RNF220: variants seen among roughly 807,000 people sequenced by gnomAD.
RNF220 encodes the protein ring finger protein 220.
Under a neutral mutation model 67.1 loss-of-function variants are expected in RNF220, and 7 were observed. The ratio of observed to expected loss-of-function variants is 0.10; its 90% CI spans 0.06 to 0.20. RNF220 has a LOEUF of 0.20. RNF220 is among the 10% of genes least tolerant of loss of function. RNF220 has a pLI of 1.00. For synonymous variants in RNF220, 270 were observed against 283.2 expected, an observed-to-expected ratio of 0.95 and a Z score of 0.47; for missense variants, 565 against 740.3, an observed-to-expected ratio of 0.76 and a Z score of 2.75.
intron 2 of RNF220, among the ~76,000 whole-genome samples, chr1:44,467,634 A>T (rs1654401597): frequency 6.6e-6 from 1 of 152,236 alleles, no homozygotes; most frequent in East Asian, 1.9e-4. Flanking sequence ...TTGATCTTCT[A>T]TCCAGACCAC....
intron 8 of RNF220, among the ~76,000 whole-genome samples, chr1:44,639,328 T>G (rs893749579): frequency 6.6e-6 from 1 of 152,232 alleles, no homozygotes; most frequent in Non-Finnish European, 1.5e-5. Flanking sequence ...GTGTGTTGGT[T>G]GCCAGTGAGA....
intron 2 of RNF220, among the ~76,000 whole-genome samples, chr1:44,512,525 G>A (rs1293322199): frequency 2.6e-5 from 4 of 152,154 alleles, no homozygotes; most frequent in African/African-American, 9.7e-5. Flanking sequence ...AGCTGAGAGG[G>A]AGTGGCTCCT....
intron 2 of RNF220, among the ~76,000 whole-genome samples, chr1:44,534,268 T>C (rs1018801120): frequency 6.6e-6 from 1 of 151,960 alleles, no homozygotes; most frequent in Non-Finnish European, 1.5e-5. Context: ...GTGTGAGCCA[T>C]TGCACCTGGC....
chr1:44,646,428 G>A (rs952976919), intron 12 of RNF220, among the ~76,000 whole-genome samples: 1 of 152,286 alleles, frequency 6.6e-6, no homozygotes, highest in Non-Finnish European at 1.5e-5. Context: ...GGGCCCGGCT[G>A]CCCATGAATC....
intron 2 of RNF220, among the ~76,000 whole-genome samples, chr1:44,495,510 C>T (rs1247173921): frequency 2.0e-5 from 3 of 152,128 alleles, no homozygotes; most frequent in African/African-American, 7.2e-5. Context: ...AGTAAGGGAA[C>T]GTAACCTAAT....
chr1:44,464,463 A>C lies in RNF220; in HGVS notation c.625+51741A>C, dbSNP rs531520257. Reference sequence around the variant, plus strand: ...CTCTACTTGCATTATATCCGCTAACATTCCACTGGTTAAAGGAAGTCGATG... The same window carrying C: ...CTCTACTTGCATTATATCCGCTAACCTTCCACTGGTTAAAGGAAGTCGATG... On this transcript the variant is annotated intron_variant, in intron 2 of 14. Coordinates refer to ENST00000361799, the MANE Select transcript of RNF220 (RefSeq NM_018150.4). Among the ~76,000 whole-genome samples the C allele has an allele frequency of 1.5e-3, 229 of 152,302 alleles. 1 individual carries two copies. Among genetic ancestry groups the C allele is most frequent in the African/African-American group, 5.3e-3 (220 of 41,556 alleles).
chr1:44,601,713 G>A lies in RNF220; in HGVS notation c.626-12452G>A, dbSNP rs139486162. Among the ~76,000 whole-genome samples the A allele has an allele frequency of 1.2e-3, 187 of 152,212 alleles. 1 individual carries two copies. The highest frequency in any genetic ancestry group is 4.2e-3 in the African/African-American group (176 of 41,530). ...AGAGGGGGACAGGAGATGGCGAGGCGGCTCAAGATAGTAAAATATTATTGA... is the reference window on the plus strand; with the variant it reads ...AGAGGGGGACAGGAGATGGCGAGGCAGCTCAAGATAGTAAAATATTATTGA... On this transcript the variant is annotated intron_variant, in intron 2 of 14. Coordinates refer to ENST00000361799, the MANE Select transcript of RNF220 (RefSeq NM_018150.4).
intron 2 of RNF220, among the ~76,000 whole-genome samples, chr1:44,554,207 T>C (rs2148267463): frequency 6.6e-6 from 1 of 151,814 alleles, no homozygotes; most frequent in Non-Finnish European, 1.5e-5. Flanking sequence ...AGGATGGAGA[T>C]GAGGAGGGCT....
At chr1:44,604,182 G>C (rs1035384640) in intron 2 of RNF220, among the ~76,000 whole-genome samples, 3 of 152,214 alleles carry the variant, frequency 2.0e-5, no homozygotes, top group African/African-American at 7.2e-5. Flanking sequence ...TACCCACACC[G>C]TGTGAGCACT....
rs190080079 is a variant in RNF220, at chr1:44,632,313, T to C, written c.907-30T>C. 231 of 1,614,080 alleles carry C rather than the reference T, an allele frequency of 1.4e-4. No individual in the cohort carries two copies. The East Asian group carries it at 4.5e-3, about 31-fold the overall frequency. On this transcript the variant is annotated intron_variant, in intron 5 of 14. Transcript: ENST00000361799. Reference sequence around the variant, plus strand: ...GCCGCGCCTGACGCTCTCTTTTCTTTTCTTGCATCTGCCCGCGATCTTCTC... The same window carrying C: ...GCCGCGCCTGACGCTCTCTTTTCTTCTCTTGCATCTGCCCGCGATCTTCTC...
chr1:44,418,042 G>A (rs75041675), intron 2 of RNF220, among the ~76,000 whole-genome samples: 11,423 of 152,156 alleles, frequency 0.075, 580 homozygotes, highest in African/African-American at 0.15. Flanking sequence ...GCACCCCCAA[G>A]TCGCACTAAG....
At chr1:44,616,059 G>C (rs1312888137) in intron 3 of RNF220, among the ~76,000 whole-genome samples, 1 of 152,180 alleles carries the variant, frequency 6.6e-6, no homozygotes, top group East Asian at 1.9e-4. Flanking sequence ...CCACATGTGG[G>C]TCTCTGCATA....
intron 2 of RNF220, among the ~76,000 whole-genome samples, chr1:44,435,568 C>T (rs1175097159): frequency 6.6e-6 from 1 of 152,162 alleles, no homozygotes; most frequent in Non-Finnish European, 1.5e-5. Context: ...GACCTTTTCA[C>T]AGTTGAAACT....
chr1:44,549,640 C>T (rs940181501), intron 2 of RNF220, among the ~76,000 whole-genome samples: 5 of 152,170 alleles, frequency 3.3e-5, no homozygotes, highest in African/African-American at 1.2e-4. Context: ...CCCTTCCTCC[C>T]CTTCCTCCTG....
At chr1:44,421,596 G>T (rs1052912253) in intron 2 of RNF220, among the ~76,000 whole-genome samples, 1 of 150,990 alleles carries the variant, frequency 6.6e-6, no homozygotes, top group African/African-American at 2.4e-5. Flanking sequence ...GACTGAGATG[G>T]GGGGGCTGCC....
At chr1:44,525,283 G>A (rs917363320) in intron 2 of RNF220, among the ~76,000 whole-genome samples, 1 of 152,130 alleles carries the variant, frequency 6.6e-6, no homozygotes, top group African/African-American at 2.4e-5. Context: ...CTGAGCGAGA[G>A]GGGGGCCACC....
intron 2 of RNF220, among the ~76,000 whole-genome samples, chr1:44,575,887 G>A (rs1664767830): frequency 6.6e-6 from 1 of 152,204 alleles, no homozygotes; most frequent in Non-Finnish European, 1.5e-5. Flanking sequence ...AGCTTCTTAA[G>A]AAACATTTGT....
rs910648015 is a variant in RNF220 at position 44,446,039 on chromosome 1, G to T, written c.625+33317G>T. 1.1e-4 allele frequency among the ~76,000 whole-genome samples: 16 copies of T among 152,228 alleles called. No individual in the cohort carries two copies. In the East Asian group the frequency reaches 3.1e-3, roughly 29 times the overall value. Reference sequence around the variant, plus strand: ...AATTCCTTGAGGAGCCTGGTACTTGGGTGGCATGTGGTAACATTTGTCTAG... The same window carrying T: ...AATTCCTTGAGGAGCCTGGTACTTGTGTGGCATGTGGTAACATTTGTCTAG... On this transcript the variant is annotated intron_variant, in intron 2 of 14. Coordinates refer to ENST00000361799, the MANE Select transcript of RNF220 (RefSeq NM_018150.4).
At chr1:44,537,845 G>A (rs796250130) in intron 2 of RNF220, among the ~76,000 whole-genome samples, 5 of 152,284 alleles carry the variant, frequency 3.3e-5, no homozygotes, top group African/African-American at 9.6e-5. Context: ...TGTGCACTGC[G>A]CCTCTGCCAA....
Sources: allele counts gnomAD v4.1 joint callset (sites outside exome capture counted in the v4.1 genomes callset), GRCh38; gene constraint gnomAD v4.1.1; transcripts MANE v1.5; gene names NCBI Gene and HGNC (gene_info 2026-07-23, HGNC 2026-07-21).